Variants in CACNB2 observed in about 807,000 individuals in gnomAD.
The protein encoded by CACNB2 is calcium voltage-gated channel auxiliary subunit beta 2.
Under a neutral mutation model 73.3 loss-of-function variants are expected in CACNB2, and 42 were observed. The observed-to-expected ratio is 0.57, with a 90% confidence interval of 0.45 to 0.74. The LOEUF (loss-of-function observed/expected upper bound fraction) is 0.74. CACNB2 is among the 30% of genes least tolerant of loss of function. The pLI is 0.00. For synonymous variants in CACNB2, 348 were observed against 310.3 expected, an observed-to-expected ratio of 1.12 and a Z score of -1.28; for missense variants, 940 against 853.0, an observed-to-expected ratio of 1.10 and a Z score of -1.27.
At chr10:18,352,726 A>G (rs2041760608) in intron 2 of CACNB2, among the ~76,000 whole-genome samples, 1 of 152,234 alleles carries the variant, frequency 6.6e-6, no homozygotes, top group South Asian at 2.1e-4. Flanking sequence ...GCTTCGTAGC[A>G]TTTCATAGTA....
chr10:18,228,441 A>AAAAAAAG (rs1554773825), intron 2 of CACNB2, among the ~76,000 whole-genome samples: 7 of 145,176 alleles, frequency 4.8e-5, no homozygotes, highest in African/African-American at 1.0e-4. Flanking sequence ...CTCAAAAAAA[A>AAAAAAAG]AAAAAAAAGA....
rs1430391519 is a variant in CACNB2 at position 18,259,570 on chromosome 10, A to ATAAAAC, written c.213+108595_213+108596insTAAAAC. Among the ~76,000 whole-genome samples the ATAAAAC allele has an allele frequency of 6.0e-5, 7 of 116,984 alleles. 1 individual carries two copies. The highest frequency in any genetic ancestry group is 2.5e-4 in the South Asian group (1 of 4,024). 76.7% of individuals were successfully genotyped at this position (116,984 alleles called of 152,430 possible). ...AAAAAAAACAAAAAACAAACAAAAA[A>ATAAAAC]AAAAAGTAAAAGTAGCCAGGCATGG... On this transcript the variant is annotated intron_variant, in intron 2 of 13. Transcript: ENST00000324631.
chr10:18,493,297 T>C (rs2049571035), intron 3 of CACNB2, among the ~76,000 whole-genome samples: 2 of 152,134 alleles, frequency 1.3e-5, no homozygotes, highest in Admixed American at 1.3e-4. Flanking sequence ...GCCTCCTGAG[T>C]AGCTGGGATT....
Position 18,239,018 on chromosome 10 carries a change from T to C in CACNB2, c.213+88043T>C, listed in dbSNP as rs139033083. Among the ~76,000 whole-genome samples the C allele has an allele frequency of 6.9e-3, 1,051 of 152,274 alleles. 7 individuals carry two copies. Among genetic ancestry groups the C allele is most frequent in the Non-Finnish European group, 0.011 (757 of 68,010 alleles). On this transcript the variant is annotated intron_variant, in intron 2 of 13. Coordinates refer to ENST00000324631, the MANE Select transcript of CACNB2 (RefSeq NM_201596.3). ...GATGGCAGCTGGAACCCAAATGCTTTCAGGAAGATTTGAATCTTGCAAAAA... is the reference window on the plus strand; with the variant it reads ...GATGGCAGCTGGAACCCAAATGCTTCCAGGAAGATTTGAATCTTGCAAAAA...
chr10:18,515,122 C>A, intron 7 of CACNB2: 1 of 1,145,462 alleles, frequency 8.7e-7, no homozygotes, highest in South Asian at 1.3e-5. Flanking sequence ...CCATCTCACC[C>A]TTTGGACAGT....
At chr10:18,383,791 C>T (rs1420932078) in intron 2 of CACNB2, among the ~76,000 whole-genome samples, 5 of 152,088 alleles carry the variant, frequency 3.3e-5, no homozygotes, top group African/African-American at 4.8e-5. Flanking sequence ...GTACAACCTC[C>T]GCTTCCCGGA....
At chr10:18,235,905 G>A (rs368239616) in intron 2 of CACNB2, among the ~76,000 whole-genome samples, 5 of 152,274 alleles carry the variant, frequency 3.3e-5, no homozygotes, top group African/African-American at 1.2e-4. Context: ...CCCCCTTGCT[G>A]TTCTCATGAT....
intron 3 of CACNB2, among the ~76,000 whole-genome samples, chr10:18,487,844 A>AG (rs202181077): frequency 0.063 from 9,586 of 151,888 alleles, 476 homozygotes; most frequent in South Asian, 0.15. Context: ...ATCTCAAAAA[A>AG]AAAAAAAAAT....
chr10:18,178,905 C>T (rs1208565171), intron 2 of CACNB2, among the ~76,000 whole-genome samples: 1 of 152,154 alleles, frequency 6.6e-6, no homozygotes, highest in African/African-American at 2.4e-5. Flanking sequence ...TGCTGCCAAA[C>T]CTTGTAGGGA....
chr10:18,400,214 C>T (rs557487251), intron 2 of CACNB2, among the ~76,000 whole-genome samples: 8 of 152,316 alleles, frequency 5.3e-5, no homozygotes, highest in African/African-American at 1.9e-4. Flanking sequence ...TATATTATGA[C>T]TGATGAGCAT....
At position 18,150,879 on chromosome 10, in the gene CACNB2, T is replaced by TTTTTTG. The variant is rs769211879; in HGVS notation, c.121-3_121-2insTTTTGT. ...TCTTTTTTTTTTTTTTTTTTTTTTT[T>TTTTTTG]TAGTCATATGGAAAAGGAGCCAGAA... is the stretch of plus-strand genomic sequence containing the variant. On this transcript the variant is annotated splice_polypyrimidine_tract_variant and splice_region_variant and intron_variant, in intron 1 of 13. Transcript: ENST00000324631. 2.2e-3 allele frequency: 2,752 copies of TTTTTTG among 1,256,528 alleles called. 132 individuals carry two copies. Among genetic ancestry groups the TTTTTTG allele is most frequent in the African/African-American group, 3.3e-3 (199 of 59,450 alleles). 77.8% of individuals were successfully genotyped at this position (1,256,528 alleles called of 1,614,324 possible).
At chr10:18,299,088 T>A (rs201557528) in intron 2 of CACNB2, among the ~76,000 whole-genome samples, 35 of 138,270 alleles carry the variant, frequency 2.5e-4, no homozygotes, top group East Asian at 6.6e-4. Context: ...AAATAAAAAA[T>A]AAAAGAAAAA....
intron 2 of CACNB2, among the ~76,000 whole-genome samples, chr10:18,152,733 C>CA (rs1461809120): frequency 3.4e-5 from 3 of 89,384 alleles, no homozygotes; most frequent in Admixed American, 1.2e-4. Context: ...AAAAAAAAAA[C>CA]AAAAAACAAA....
chr10:18,150,383 G>C (rs2031402481), intron 1 of CACNB2, among the ~76,000 whole-genome samples: 1 of 152,200 alleles, frequency 6.6e-6, no homozygotes, highest in Non-Finnish European at 1.5e-5. Context: ...ACCCTCCTCA[G>C]CCGGGTGCAA....
chr10:18,512,818 G>C (rs1323582264), intron 6 of CACNB2, among the ~76,000 whole-genome samples: 2 of 152,140 alleles, frequency 1.3e-5, no homozygotes, highest in East Asian at 3.9e-4. Flanking sequence ...TTGAAGAAAT[G>C]GTAGTTGGTT....
intron 2 of CACNB2, among the ~76,000 whole-genome samples, chr10:18,333,483 T>C (rs1228524735): frequency 1.3e-5 from 2 of 152,204 alleles, no homozygotes; most frequent in African/African-American, 4.8e-5. Flanking sequence ...GATTGCTATG[T>C]TGAAAGAAAA....
intron 2 of CACNB2, among the ~76,000 whole-genome samples, chr10:18,256,352 A>G (rs1278383234): frequency 6.6e-6 from 1 of 152,172 alleles, no homozygotes; most frequent in Middle Eastern, 3.2e-3. Context: ...TGAACTATTG[A>G]CCAGGTTATT....
chr10:18,522,020 A>C (rs561463028), intron 9 of CACNB2, among the ~76,000 whole-genome samples: 1 of 152,294 alleles, frequency 6.6e-6, no homozygotes, highest in East Asian at 1.9e-4. Flanking sequence ...TCACTCACAC[A>C]TTATTGCCTG....
chr10:18,147,348 A>C (rs557564006), intron 1 of CACNB2, among the ~76,000 whole-genome samples: 1 of 152,184 alleles, frequency 6.6e-6, no homozygotes, highest in African/African-American at 2.4e-5. Flanking sequence ...TCTTAGCTTG[A>C]TGTTTTGGAA....
Sources: allele counts gnomAD v4.1 joint callset (sites outside exome capture counted in the v4.1 genomes callset), GRCh38; gene constraint gnomAD v4.1.1; transcripts MANE v1.5; gene names NCBI Gene and HGNC (gene_info 2026-07-23, HGNC 2026-07-21).